ZNF518B: variants seen among roughly 807,000 people sequenced by gnomAD.
ZNF518B encodes the protein zinc finger protein 518B.
In ZNF518B, 23 loss-of-function variants were observed where a neutral mutation model predicts 56.3. That is an observed-to-expected ratio of 0.41 (90% CI 0.29 to 0.58). The LOEUF (loss-of-function observed/expected upper bound fraction) is 0.58. Ranked by LOEUF, ZNF518B falls within the 20% of genes least tolerant of loss-of-function variation. ZNF518B has a pLI of 0.32. For synonymous variants in ZNF518B, 529 were observed against 465.9 expected (o/e 1.14, Z -1.74); for missense variants, 1,460 against 1,272.1 (o/e 1.15, Z -2.25).
Position 10,444,882 on chromosome 4 carries a change from C to T in ZNF518B, c.1447G>A (p.Gly483Ser), listed in dbSNP as rs1714915359. The T allele has an allele frequency of 1.9e-6, 3 of 1,613,232 alleles. No homozygotes were observed. Among genetic ancestry groups the T allele is most frequent in the Non-Finnish European group, 2.5e-6 (3 of 1,179,668 alleles). The change falls in exon 3 of 3, where the codon GGT becomes AGT. Residue 483 changes from glycine to serine, a missense_variant. Coordinates refer to ENST00000326756, the MANE Select transcript of ZNF518B (RefSeq NM_053042.3). The part of the protein sequence containing the change: ...RTAFPSVALK[G>S]HSLASVFKNS... ...TTAAATACAGATGCTAGAGAATGAC[C>T]TTTTAAGGCAACGGAAGGAAAAGCA...
rs1242876066 is a variant in ZNF518B at position 10,442,419 on chromosome 4, C to G, written c.*685G>C. 1 of 152,146 alleles carries G rather than the reference C, an allele frequency of 6.6e-6. No individual in the cohort carries two copies. Among genetic ancestry groups the G allele is most frequent in the Non-Finnish European group, 1.5e-5 (1 of 68,018 alleles). 9.4% of individuals were successfully genotyped at this position (152,146 alleles called of 1,614,324 possible). On this transcript the variant is annotated 3_prime_UTR_variant, in exon 3 of 3. Coordinates refer to ENST00000326756, the MANE Select transcript of ZNF518B (RefSeq NM_053042.3). ...ATAAACCAATGTATTTTAAAGAAAGCAAAAGCTAAGTATTTGAAAATGTTA... is the reference window on the plus strand; with the variant it reads ...ATAAACCAATGTATTTTAAAGAAAGGAAAAGCTAAGTATTTGAAAATGTTA...
chr4:10,453,402 A>G (rs747733575), intron 2 of ZNF518B: 9 of 152,216 alleles, frequency 5.9e-5, no homozygotes, highest in Non-Finnish European at 8.8e-5. Flanking sequence ...CACCCTGTCT[A>G]CAGGGAGTAT....
At position 10,441,094 on chromosome 4, in the gene ZNF518B, A is replaced by G. The variant is rs967479720; in HGVS notation, c.*2010T>C. The stretch of plus-strand genomic sequence containing the variant: ...TTGTTCACATAAACCAGACCCCATC[A>G]TTCCTGTGCTTTCATTTTCCAAAAG... On this transcript the variant is annotated 3_prime_UTR_variant, in exon 3 of 3. Coordinates refer to ENST00000326756, the MANE Select transcript of ZNF518B (RefSeq NM_053042.3). 4 of 152,634 alleles carry G rather than the reference A, an allele frequency of 2.6e-5. No homozygotes were observed. The highest frequency in any genetic ancestry group is 4.8e-5 in the African/African-American group (2 of 41,452). 9.5% of individuals were successfully genotyped at this position (152,634 alleles called of 1,614,324 possible).
rs202013413 is a variant in ZNF518B at position 10,445,783 on chromosome 4, C to G, written c.546G>C (p.Val182=). 3.1e-6 allele frequency: 5 copies of G among 1,614,092 alleles called. No homozygotes were observed. In the East Asian group the frequency reaches 1.1e-4, roughly 36 times the overall value. ...YTKGEFQRHL[V]KHTGIFPYQC... ...GATAAGGAAATATGCCTGTGTGTTTCACCAAATGCCTCTGAAACTCTCCTT... is the reference window on the plus strand; with the variant it reads ...GATAAGGAAATATGCCTGTGTGTTTGACCAAATGCCTCTGAAACTCTCCTT... Residue 182 remains valine (V), a synonymous_variant, in exon 3 of 3, where the codon GTG becomes GTC. Coordinates refer to ENST00000326756, the MANE Select transcript of ZNF518B (RefSeq NM_053042.3).
In ZNF518B at chr4:10,445,364, G is replaced by A. The variant is rs1427128558; in HGVS notation, c.965C>T (p.Pro322Leu). The part of the protein sequence containing the change: ...EVEVLSPAKE[P>L]VQPGMPLTVV... The stretch of plus-strand genomic sequence containing the variant: ...TGTCAATGGCATACCTGGCTGAACA[G>A]GTTCTTTTGCAGGGGATAACACTTC... Residue 322 changes from proline (P) to leucine (L), a missense_variant, in exon 3 of 3, where the codon CCT becomes CTT. Physicochemically the swap from Pro to Leu is moderately conservative, Grantham distance 98. Transcript: ENST00000326756. 1.2e-6 allele frequency: 2 copies of A among 1,614,214 alleles called. No homozygotes were observed. Among genetic ancestry groups the A allele is most frequent in the Non-Finnish European group, 8.5e-7 (1 of 1,180,036 alleles).
In ZNF518B at chr4:10,445,781, T is replaced by C. The variant is rs748712513; in HGVS notation, c.548A>G (p.Lys183Arg). ...TKGEFQRHLV[K>R]HTGIFPYQCE... is the part of the protein sequence containing the mutation. ...CTGATAAGGAAATATGCCTGTGTGT[T>C]TCACCAAATGCCTCTGAAACTCTCC... The change falls in exon 3 of 3, where the codon AAA becomes AGA. Residue 183 changes from lysine (K) to arginine (R), a missense_variant. Physicochemically the swap from Lys to Arg is conservative, Grantham distance 26. Transcript: ENST00000326756. 3 of 1,614,118 alleles carry C rather than the reference T, an allele frequency of 1.9e-6. No homozygotes were observed. The highest frequency in any genetic ancestry group is 1.7e-5 in the Admixed American group (1 of 60,006).
Position 10,441,252 on chromosome 4 carries a change from TAAA to T in ZNF518B, c.*1849_*1851del, listed in dbSNP as rs1398484903. Reference sequence around the variant, plus strand: ...ATTAGCTACTGCAATTTTCATATGGTAAAAAATATTTTTATGTGTACACATACA... The same window carrying T: ...ATTAGCTACTGCAATTTTCATATGGTAAATATTTTTATGTGTACACATACA... On this transcript the variant is annotated 3_prime_UTR_variant, in exon 3 of 3. Coordinates refer to ENST00000326756, the MANE Select transcript of ZNF518B (RefSeq NM_053042.3). 1 of 152,552 alleles carries T rather than the reference TAAA, an allele frequency of 6.6e-6. No homozygotes were observed. Among genetic ancestry groups the T allele is most frequent in the Non-Finnish European group, 1.5e-5 (1 of 68,024 alleles). The allele number at this position is 152,552 out of a possible 1,614,324, so 9.4% of individuals were successfully genotyped here.
chr4:10,447,706 A>T (rs890509698), intron 2 of ZNF518B, among the ~76,000 whole-genome samples: 1 of 147,628 alleles, frequency 6.8e-6, no homozygotes. Flanking sequence ...CTGGAGTGCA[A>T]TGGTGCAATC....
At chr4:10,460,309 A>G (rs1010754674), upstream of ZNF518B, among the ~76,000 whole-genome samples, 6 of 91,104 alleles carry the variant, frequency 6.6e-5, no homozygotes, top group African/African-American at 9.4e-5. Flanking sequence ...TGTCTCAAAA[A>G]AAAAAAAAAA....
In ZNF518B at chr4:10,445,607, T is replaced by A; in HGVS notation, c.722A>T (p.Glu241Val). 6.2e-7 allele frequency: 1 copy of A among 1,614,184 alleles called. No individual in the cohort carries two copies. Among genetic ancestry groups the A allele is most frequent in the African/African-American group, 1.3e-5 (1 of 75,050 alleles). Residue 241 changes from glutamate to valine, a missense_variant, in exon 3 of 3, where the codon GAG becomes GTG. Coordinates refer to ENST00000326756, the MANE Select transcript of ZNF518B (RefSeq NM_053042.3). ...CCGTGGATTGGAAGCTTTTAGAAGC[T>A]CTGGGTTTTGTTTTGAAGTTCCGGT... ...KRTGTSKQNP[E>V]LLKASNPRTT...
At chr4:10,455,445 A>T (rs1715487122) in intron 1 of ZNF518B, among the ~76,000 whole-genome samples, 1 of 152,258 alleles carries the variant, frequency 6.6e-6, no homozygotes, top group Admixed American at 6.5e-5. Flanking sequence ...GGTTTGGCCA[A>T]GGAAGGCACT....
chr4:10,460,588 G>A (rs1402648038), upstream of ZNF518B, among the ~76,000 whole-genome samples: 1 of 152,180 alleles, frequency 6.6e-6, no homozygotes, highest in African/African-American at 2.4e-5. Context: ...GGAAGAAAAG[G>A]AAAGGCAGTG....
chr4:10,460,155 A>ATT (rs1715696760), upstream of ZNF518B, among the ~76,000 whole-genome samples: 1 of 151,826 alleles, frequency 6.6e-6, no homozygotes, highest in South Asian at 2.1e-4. Context: ...AAATACAAAA[A>ATT]TTAACTGGGC....
chr4:10,442,919 A>G lies in ZNF518B; in HGVS notation c.*185T>C. 1 of 572,026 alleles carries G rather than the reference A, an allele frequency of 1.7e-6. No homozygotes were observed. The highest frequency in any genetic ancestry group is 2.8e-5 in the South Asian group (1 of 35,694). 35.4% of individuals were successfully genotyped at this position (572,026 alleles called of 1,614,324 possible). On this transcript the variant is annotated 3_prime_UTR_variant, in exon 3 of 3. Transcript: ENST00000326756. ...TGCATGTACAATTTCAGAGCCTTCA[A>G]ATACATTCTGGGGTCCAATCACATA...
upstream of ZNF518B, among the ~76,000 whole-genome samples, chr4:10,457,688 G>T (rs1715610819): frequency 2.0e-5 from 3 of 152,242 alleles, no homozygotes. Context: ...CCATCCCGGG[G>T]CGCCTGCCTT....
In ZNF518B at chr4:10,445,254, G is replaced by C; in HGVS notation, c.1075C>G (p.Leu359Val). Residue 359 changes from leucine (L) to valine (V), a missense_variant, in exon 3 of 3, where the codon CTT (leucine) becomes GTT (valine). Physicochemically the swap from Leu to Val is conservative, Grantham distance 32. Coordinates refer to ENST00000326756, the MANE Select transcript of ZNF518B (RefSeq NM_053042.3). ...DVKVVNGTQQ[L>V]VLKLFPLEEN... Reference sequence around the variant, plus strand: ...TCCAGCGGAAACAGTTTCAGAACAAGCTGCTGTGTACCATTGACAACCTTC... The same window carrying C: ...TCCAGCGGAAACAGTTTCAGAACAACCTGCTGTGTACCATTGACAACCTTC... 4 of 1,614,076 alleles carry C rather than the reference G, an allele frequency of 2.5e-6. No individual in the cohort carries two copies. The highest frequency in any genetic ancestry group is 3.4e-6 in the Non-Finnish European group (4 of 1,179,932).
chr4:10,455,127 A>G (rs1394932605), intron 1 of ZNF518B, 139 bp from the exon 2 acceptor site: 4 of 152,250 alleles, frequency 2.6e-5, no homozygotes, highest in Non-Finnish European at 4.4e-5. Flanking sequence ...CACGGAACTT[A>G]AAAAGGATTC....
At chr4:10,459,493 C>G (rs535829825), upstream of ZNF518B, among the ~76,000 whole-genome samples, 1 of 152,040 alleles carries the variant, frequency 6.6e-6, no homozygotes, top group African/African-American at 2.4e-5. Context: ...CAGAAAAATA[C>G]GTTGAAGCGC....
Position 10,445,295 on chromosome 4 carries a change from G to A in ZNF518B, c.1034C>T (p.Ala345Val). 1 of 1,614,050 alleles carries A rather than the reference G, an allele frequency of 6.2e-7. No individual in the cohort carries two copies. The highest frequency in any genetic ancestry group is 8.5e-7 in the Non-Finnish European group (1 of 1,179,926). Residue 345 changes from alanine to valine, a missense_variant, in exon 3 of 3, where the codon GCC becomes GTC. Ala to Val is a moderately conservative substitution (Grantham distance 64, BLOSUM62 0). Transcript: ENST00000326756. The part of the protein sequence containing the change: ...AELVVPANCL[A>V]QLIDVKVVNG... ...GACAACCTTCACATCTATCAACTGG[G>A]CTAAACAGTTTGCAGGGACAACTAG... is the stretch of plus-strand genomic sequence containing the variant.
Sources: allele counts gnomAD v4.1 joint callset (sites outside exome capture counted in the v4.1 genomes callset), GRCh38; gene constraint gnomAD v4.1.1; transcripts MANE v1.5; gene names NCBI Gene and HGNC (gene_info 2026-07-23, HGNC 2026-07-21).